The following PABPC4L variants were observed in gnomAD, a reference collection of about 807,000 sequenced individuals.
PABPC4L encodes poly(A) binding protein cytoplasmic 4 like, also known as polyadenylate-binding protein 4-like.
For missense variants in PABPC4L, 452 were observed against 451.4 expected (o/e 1.00, Z -0.01); for synonymous variants, 169 against 164.1 (o/e 1.03, Z -0.23).
the PABPC4L span, among the ~76,000 whole-genome samples, chr4:134,045,149 G>A: frequency 6.6e-6 from 1 of 151,980 alleles, no homozygotes; most frequent in Admixed American, 6.6e-5. Flanking sequence ...CATTTCTTCT[G>A]ATATAATCAT....
chr4:133,991,757 A>T, the PABPC4L span, among the ~76,000 whole-genome samples: 62 of 152,234 alleles, frequency 4.1e-4, 1 homozygote, highest in Admixed American at 3.6e-3. Context: ...TGTTAAATTG[A>T]CTGGTAGGAA....
At chr4:134,145,450 C>T in the PABPC4L span, among the ~76,000 whole-genome samples, 1 of 151,848 alleles carries the variant, frequency 6.6e-6, no homozygotes, top group Non-Finnish European at 1.5e-5. Context: ...AACCCCCCTT[C>T]CCACACACAG....
At chr4:133,961,520 A>G in the PABPC4L span, among the ~76,000 whole-genome samples, 1 of 152,158 alleles carries the variant, frequency 6.6e-6, no homozygotes, top group African/African-American at 2.4e-5. Context: ...GAAATAGCCA[A>G]TCATCTATCA....
At chr4:134,019,346 A>T in the PABPC4L span, among the ~76,000 whole-genome samples, 1 of 152,148 alleles carries the variant, frequency 6.6e-6, no homozygotes, top group Non-Finnish European at 1.5e-5. Flanking sequence ...TGAATTCCAG[A>T]AAATATTTTG....
the PABPC4L span, among the ~76,000 whole-genome samples, chr4:134,081,633 C>A: frequency 1.3e-5 from 2 of 152,008 alleles, no homozygotes; most frequent in Admixed American, 6.6e-5. Flanking sequence ...CTGTGAAAAT[C>A]CTGCATAGCC....
chr4:133,968,794 A>C, the PABPC4L span, among the ~76,000 whole-genome samples: 3 of 152,086 alleles, frequency 2.0e-5, no homozygotes, highest in African/African-American at 7.3e-5. Flanking sequence ...GTAAAGACAT[A>C]GGTGATTTGA....
the PABPC4L span, among the ~76,000 whole-genome samples, chr4:134,094,643 G>T: frequency 2.0e-5 from 3 of 151,662 alleles, no homozygotes; most frequent in South Asian, 6.3e-4. Context: ...TCCATCATTT[G>T]CCAAGTTACT....
At chr4:134,020,421 C>T in the PABPC4L span, among the ~76,000 whole-genome samples, 2 of 151,982 alleles carry the variant, frequency 1.3e-5, no homozygotes, top group East Asian at 3.9e-4. Flanking sequence ...TTAGGAATGC[C>T]TTTGTTCTCC....
At chr4:134,170,824 A>T in the PABPC4L span, among the ~76,000 whole-genome samples, 1 of 152,126 alleles carries the variant, frequency 6.6e-6, no homozygotes, top group South Asian at 2.1e-4. Context: ...TCATAGAATG[A>T]TTTCTATTCC....
the PABPC4L span, among the ~76,000 whole-genome samples, chr4:134,008,257 CCAAT>C: frequency 6.6e-6 from 1 of 151,666 alleles, no homozygotes; most frequent in Non-Finnish European, 1.5e-5. Flanking sequence ...AATTTGTTGG[CCAAT>C]CAATTATTTG....
the PABPC4L span, among the ~76,000 whole-genome samples, chr4:134,052,961 T>C: frequency 1.1e-4 from 17 of 152,258 alleles, no homozygotes; most frequent in South Asian, 3.3e-3. Flanking sequence ...TTATTTATTT[T>C]CTTTGGAAGC....
chr4:134,200,874 CG>C lies in PABPC4L; in HGVS notation c.145del (p.Arg49AlafsTer8), dbSNP rs1406589181. ...GTTCACGTAGGCATAGCCCAGAGAG[CG>C]GCGGGTGACCTGGTCCCTGCAAATG... is the stretch of plus-strand genomic sequence containing the variant. ...IRICRDQVTR[R>X]SLGYAYVNFL... On this transcript the variant is annotated frameshift_variant, in exon 2 of 2. Coordinates refer to ENST00000421491, the MANE Select transcript of PABPC4L (RefSeq NM_001114734.2). LOFTEE classifies it low-confidence loss of function (END_TRUNC). The C allele has an allele frequency of 4.5e-6, 7 of 1,560,162 alleles. No homozygotes were observed. Among genetic ancestry groups the C allele is most frequent in the Non-Finnish European group, 5.2e-6 (6 of 1,151,876 alleles).
chr4:134,027,333 GAGAC>G, the PABPC4L span, among the ~76,000 whole-genome samples: 7 of 152,252 alleles, frequency 4.6e-5, no homozygotes, highest in East Asian at 1.4e-3. Context: ...CACAGGGAGA[GAGAC>G]AGAGAGAGAG....
the PABPC4L span, among the ~76,000 whole-genome samples, chr4:134,163,424 C>CATTCAA: frequency 6.6e-6 from 1 of 152,052 alleles, no homozygotes; most frequent in African/African-American, 2.4e-5. Context: ...TTCTACCAGA[C>CATTCAA]ATTCAAATAA....
the PABPC4L span, among the ~76,000 whole-genome samples, chr4:134,106,718 G>A: frequency 4.0e-5 from 6 of 151,470 alleles, no homozygotes; most frequent in African/African-American, 1.5e-4. Flanking sequence ...AGATTTCTAA[G>A]GGTGGTAATG....
At chr4:134,018,320 T>C in the PABPC4L span, among the ~76,000 whole-genome samples, 2 of 152,156 alleles carry the variant, frequency 1.3e-5, no homozygotes, top group African/African-American at 4.8e-5. Context: ...ACCCAGGTGA[T>C]TAAAAGCTTT....
the PABPC4L span, among the ~76,000 whole-genome samples, chr4:134,054,558 C>G: frequency 2.0e-5 from 3 of 151,290 alleles, no homozygotes; most frequent in Non-Finnish European, 3.0e-5. Context: ...TAGTTCCTGA[C>G]AAGCACTAAA....
At chr4:134,066,183 T>C in the PABPC4L span, among the ~76,000 whole-genome samples, 2 of 151,954 alleles carry the variant, frequency 1.3e-5, no homozygotes, top group South Asian at 2.1e-4. Flanking sequence ...AATCTCTAAA[T>C]AGCTTTGAGA....
the PABPC4L span, among the ~76,000 whole-genome samples, chr4:134,008,959 T>C: frequency 6.6e-6 from 1 of 151,806 alleles, no homozygotes; most frequent in Non-Finnish European, 1.5e-5. Flanking sequence ...TGCTATAATG[T>C]GAAATGGTAA....
Sources: gnomAD v4.1 joint callset for allele counts (sites outside exome capture counted in the v4.1 genomes callset) on GRCh38, gnomAD v4.1.1 for gene constraint, MANE v1.5 for transcripts, NCBI Gene and HGNC (gene_info 2026-07-23, HGNC 2026-07-21) for gene names.